Variants in MIS18A observed in about 807,000 individuals in gnomAD.
MIS18A encodes MIS18 kinetochore protein A.
Under a neutral mutation model 25.0 loss-of-function variants are expected in MIS18A, and 14 were observed. That is an observed-to-expected ratio of 0.56 (90% CI 0.37 to 0.88). The LOEUF is 0.88. MIS18A is among the 40% of genes least tolerant of loss of function. The pLI, the probability that MIS18A is intolerant of heterozygous loss-of-function variation, is 0.00. For synonymous variants in MIS18A, 134 were observed against 118.6 expected (o/e 1.13, Z -0.84); for missense variants, 292 against 290.8 (o/e 1.00, Z -0.03).
intron 4 of MIS18A, chr21:32,269,458 T>C: frequency 2.2e-6 from 1 of 453,826 alleles, no homozygotes; most frequent in South Asian, 3.5e-5. Context: ...CAAAGATGTA[T>C]TTCTAGCTTT....
the MIS18A span, among the ~76,000 whole-genome samples, chr21:32,257,118 GACTC>G: frequency 6.6e-6 from 1 of 152,158 alleles, no homozygotes; most frequent in African/African-American, 2.4e-5. Flanking sequence ...ATCCAAAGCT[GACTC>G]ACTTAAGTTT....
chr21:32,201,337 T>C, the MIS18A span, among the ~76,000 whole-genome samples: 68 of 151,716 alleles, frequency 4.5e-4, no homozygotes, highest in African/African-American at 1.6e-3. Context: ...AAAAACAAAA[T>C]ACACTGAAAG....
chr21:32,193,869 C>T, the MIS18A span, among the ~76,000 whole-genome samples: 1 of 152,138 alleles, frequency 6.6e-6, no homozygotes, highest in Non-Finnish European at 1.5e-5. Context: ...TCAGCATTGG[C>T]TCTACTGGTA....
chr21:32,208,648 G>A, the MIS18A span, among the ~76,000 whole-genome samples: 1 of 152,192 alleles, frequency 6.6e-6, no homozygotes, highest in South Asian at 2.1e-4. Flanking sequence ...TGCATTTTTC[G>A]GGAAAGAGTA....
chr21:32,233,611 T>C, the MIS18A span, among the ~76,000 whole-genome samples: 1 of 152,226 alleles, frequency 6.6e-6, no homozygotes, highest in Non-Finnish European at 1.5e-5. Flanking sequence ...CATCAAATTT[T>C]GTGCCACTTC....
the MIS18A span, among the ~76,000 whole-genome samples, chr21:32,175,645 T>C: frequency 2.1e-5 from 1 of 47,266 alleles, no homozygotes. Context: ...CGGTCTCTAC[T>C]GAAAAAAAAA....
At chr21:32,277,908 G>A (rs985180475) in intron 1 of MIS18A, 1 of 152,136 alleles carries the variant, frequency 6.6e-6, no homozygotes, top group Non-Finnish European at 1.5e-5. Flanking sequence ...ATAAGCCGGT[G>A]GTGAATTACT....
chr21:32,270,389 T>C lies in MIS18A; in HGVS notation c.524+18A>G, dbSNP rs2031690757. 1 of 1,613,646 alleles carries C rather than the reference T, an allele frequency of 6.2e-7. No individual in the cohort carries two copies. Among genetic ancestry groups the C allele is most frequent in the African/African-American group, 1.3e-5 (1 of 75,016 alleles). ...TGAAACACCAGTTGTGAGGTAAACA[T>C]TTATATATCAAACTTACCTTTCAAT... On this transcript the variant is annotated intron_variant, in intron 3 of 4. Transcript: ENST00000290130.
At chr21:32,218,557 G>A in the MIS18A span, among the ~76,000 whole-genome samples, 2 of 152,188 alleles carry the variant, frequency 1.3e-5, no homozygotes, top group East Asian at 3.8e-4. Context: ...AATAAAAAGA[G>A]TTTTGTATGC....
At chr21:32,185,011 A>G in the MIS18A span, among the ~76,000 whole-genome samples, 9 of 151,764 alleles carry the variant, frequency 5.9e-5, no homozygotes, top group African/African-American at 2.2e-4. Flanking sequence ...TCATAGATTC[A>G]TCTCCCTCAA....
At chr21:32,207,463 T>A in the MIS18A span, among the ~76,000 whole-genome samples, 3 of 152,164 alleles carry the variant, frequency 2.0e-5, no homozygotes, top group African/African-American at 7.2e-5. Flanking sequence ...TTCATAAGCA[T>A]CAGATTTTAA....
chr21:32,223,618 G>A, the MIS18A span, among the ~76,000 whole-genome samples: 1 of 152,160 alleles, frequency 6.6e-6, no homozygotes, highest in Non-Finnish European at 1.5e-5. Context: ...AACAACTTCT[G>A]AAATTGAGGC....
At chr21:32,183,939 C>T in the MIS18A span, among the ~76,000 whole-genome samples, 2 of 152,200 alleles carry the variant, frequency 1.3e-5, no homozygotes, top group Admixed American at 6.5e-5. Flanking sequence ...TCTGTTGATA[C>T]CATCCTTAAA....
chr21:32,221,078 C>T, the MIS18A span, among the ~76,000 whole-genome samples: 6 of 152,146 alleles, frequency 3.9e-5, no homozygotes, highest in African/African-American at 1.4e-4. Context: ...TCCAAGAGAA[C>T]TTCCCCGACC....
At chr21:32,271,101 G>T (rs1601077394) in intron 2 of MIS18A, among the ~76,000 whole-genome samples, 1 of 152,122 alleles carries the variant, frequency 6.6e-6, no homozygotes, top group East Asian at 1.9e-4. Context: ...TCTCAACTCA[G>T]GTTCCACACA....
chr21:32,268,896 T>C lies in MIS18A; in HGVS notation c.*141A>G, dbSNP rs1193017410. 12 of 549,400 alleles carry C rather than the reference T, an allele frequency of 2.2e-5. No individual in the cohort carries two copies. The East Asian group carries it at 3.6e-4, about 16-fold the overall frequency. The allele number at this position is 549,400 out of a possible 1,614,324, so 34.0% of individuals were successfully genotyped here. On this transcript the variant is annotated 3_prime_UTR_variant, in exon 5 of 5. Transcript: ENST00000290130. Reference sequence around the variant, plus strand: ...GCCTCAACCTCCCAAGCTCATCTGATCCTCCCACCTCAGCGTTTCGCATGC... The same window carrying C: ...GCCTCAACCTCCCAAGCTCATCTGACCCTCCCACCTCAGCGTTTCGCATGC...
At chr21:32,216,004 A>AT in the MIS18A span, among the ~76,000 whole-genome samples, 1 of 152,126 alleles carries the variant, frequency 6.6e-6, no homozygotes, top group East Asian at 1.9e-4. Flanking sequence ...GATGTGGGGG[A>AT]TGTTAGTGGA....
At chr21:32,184,344 A>G in the MIS18A span, among the ~76,000 whole-genome samples, 4 of 152,274 alleles carry the variant, frequency 2.6e-5, no homozygotes, top group African/African-American at 9.6e-5. Flanking sequence ...AAGATAAAAG[A>G]GGAGGCGACA....
chr21:32,214,496 T>C, the MIS18A span, among the ~76,000 whole-genome samples: 2 of 152,228 alleles, frequency 1.3e-5, no homozygotes, highest in Non-Finnish European at 2.9e-5. Flanking sequence ...GTTATTATTT[T>C]TCTTCCATGA....
Sources: gnomAD v4.1 joint callset for allele counts (sites outside exome capture counted in the v4.1 genomes callset) on GRCh38, gnomAD v4.1.1 for gene constraint, MANE v1.5 for transcripts, NCBI Gene and HGNC (gene_info 2026-07-23, HGNC 2026-07-21) for gene names.